Variants in DSE observed in about 807,000 individuals in gnomAD.
DSE encodes the protein dermatan-sulfate epimerase.
In DSE, 36 loss-of-function variants were observed where a neutral mutation model predicts 84.4. The ratio of observed to expected loss-of-function variants is 0.43; its 90% CI spans 0.33 to 0.56. The LOEUF is 0.56. DSE is among the 20% of genes least tolerant of loss of function. The pLI is 0.06. For synonymous variants in DSE, 410 were observed against 430.1 expected (o/e 0.95, Z 0.58); for missense variants, 862 against 1,169.6 (o/e 0.74, Z 3.84).
intron 1 of DSE, among the ~76,000 whole-genome samples, chr6:116,384,030 G>C (rs940958769): frequency 3.3e-5 from 5 of 152,112 alleles, no homozygotes; most frequent in Non-Finnish European, 7.3e-5. Context: ...TAATAGTACA[G>C]AAAGATTGTT....
chr6:116,345,015 G>A (rs145453945), intron 2 of DSE, among the ~76,000 whole-genome samples: 30,069 of 152,006 alleles, frequency 0.2, 3,677 homozygotes, highest in African/African-American at 0.34. Flanking sequence ...AAAATCAAAA[G>A]AGACAAAGAA....
chr6:116,351,214 A>G (rs1256916157), intron 2 of DSE, among the ~76,000 whole-genome samples: 3 of 152,100 alleles, frequency 2.0e-5, no homozygotes, highest in African/African-American at 4.8e-5. Context: ...CTGAATCCCC[A>G]TCTCATGAAT....
chr6:116,412,545 T>A (rs1181880815), intron 2 of DSE: 1 of 152,282 alleles, frequency 6.6e-6, no homozygotes. Context: ...CTCTGATGGG[T>A]GGCTTATTTT....
Position 116,303,395 on chromosome 6 carries a change from C to T in DSE, c.-54+44428C>T, listed in dbSNP as rs191042718. Among the ~76,000 whole-genome samples the T allele has an allele frequency of 4.4e-4, 67 of 152,206 alleles. 1 individual carries two copies. The East Asian group carries it at 0.012, about 27-fold the overall frequency. ...ATTGTAGATATTTAATACCCTTTCC[C>T]CTGGTTAGATTGTAAGCTCAATGAT... On this transcript the variant is annotated intron_variant, in intron 2 of 3. Transcript: ENST00000430252.
At chr6:116,379,214 G>A (rs575738952) in intron 1 of DSE, among the ~76,000 whole-genome samples, 36 of 152,240 alleles carry the variant, frequency 2.4e-4, no homozygotes, top group Admixed American at 2.2e-3. Context: ...TGCACTCTGA[G>A]CTGATAATGG....
At chr6:116,375,945 A>G (rs1451475236) in intron 1 of DSE, among the ~76,000 whole-genome samples, 1 of 152,208 alleles carries the variant, frequency 6.6e-6, no homozygotes, top group Non-Finnish European at 1.5e-5. Flanking sequence ...TTCATTTTCA[A>G]GTCATTAGTG....
chr6:116,363,295 A>G (rs1779002589), intron 2 of DSE, among the ~76,000 whole-genome samples: 1 of 151,784 alleles, frequency 6.6e-6, no homozygotes, highest in Admixed American at 6.6e-5. Flanking sequence ...GTGTGTCTAT[A>G]TGATAGATAC....
chr6:116,399,422 C>G lies in DSE; in HGVS notation c.172C>G (p.Leu58Val). 1 of 1,614,232 alleles carries G rather than the reference C, an allele frequency of 6.2e-7. No individual in the cohort carries two copies. The highest frequency in any genetic ancestry group is 8.5e-7 in the Non-Finnish European group (1 of 1,180,050). The stretch of plus-strand genomic sequence containing the variant: ...CAGGGCAGAAGTGGCGGAGCTGCAG[C>G]TCAGGGCTGCCAGCTCGCACGAGCA... ...FSRAEVAELQ[L>V]RAASSHEHIA... Residue 58 changes from leucine (L) to valine (V), a missense_variant, in exon 2 of 6, where the codon CTC becomes GTC. This residue lies in a region of DSE where 309 missense variants were observed against 516.9 expected (regional missense o/e 0.60). Coordinates refer to ENST00000644252, the MANE Select transcript of DSE (RefSeq NM_013352.4).
intron 2 of DSE, among the ~76,000 whole-genome samples, chr6:116,327,710 A>G (rs570336155): frequency 2.0e-5 from 3 of 152,260 alleles, no homozygotes; most frequent in South Asian, 2.1e-4. Context: ...TTATTTGTTT[A>G]TGCTTTCTGC....
intron 2 of DSE, among the ~76,000 whole-genome samples, chr6:116,302,817 T>C (rs1775117891): frequency 6.6e-6 from 1 of 152,224 alleles, no homozygotes; most frequent in Admixed American, 6.5e-5. Flanking sequence ...TTAATTTTTG[T>C]ATAAGGTGTA....
chr6:116,274,082 G>A (rs1412211308), intron 2 of DSE, among the ~76,000 whole-genome samples: 5 of 151,336 alleles, frequency 3.3e-5, no homozygotes, highest in Admixed American at 1.3e-4. Context: ...CAGCCGCCTC[G>A]GCCTCCCAAA....
intron 5 of DSE, 85 bp from the exon 6 acceptor site, chr6:116,435,502 G>T: frequency 7.3e-7 from 1 of 1,361,644 alleles, no homozygotes; most frequent in Non-Finnish European, 9.9e-7. Context: ...GGTAGCATTT[G>T]TGTGTCGCAT....
intron 1 of DSE, among the ~76,000 whole-genome samples, chr6:116,387,378 A>G (rs994258405): frequency 5.3e-5 from 8 of 152,228 alleles, no homozygotes; most frequent in African/African-American, 1.9e-4. Context: ...TTTCCAAATA[A>G]TTGGTTTGAG....
rs1239220327 is a variant in DSE at position 116,444,789 on chromosome 6, T to C, written c.*7444T>C. 1 of 152,184 alleles carries C rather than the reference T, an allele frequency of 6.6e-6. No homozygotes were observed. Among genetic ancestry groups the C allele is most frequent in the Non-Finnish European group, 1.5e-5 (1 of 68,040 alleles). The allele number at this position is 152,184 out of a possible 1,614,324, so 9.4% of individuals were successfully genotyped here. On this transcript the variant is annotated 3_prime_UTR_variant, in exon 6 of 6. Coordinates refer to ENST00000644252, the MANE Select transcript of DSE (RefSeq NM_013352.4). ...AAGTGAGTCCTCACCAGATACCACA[T>C]CTGTTGTGCTTTGATCTTGGATTTC...
chr6:116,324,798 A>C (rs1179439216), intron 2 of DSE, among the ~76,000 whole-genome samples: 1 of 152,212 alleles, frequency 6.6e-6, no homozygotes, highest in Non-Finnish European at 1.5e-5. Flanking sequence ...TCTGTTCCTT[A>C]TAATGAGTAG....
In DSE at chr6:116,437,545, T is replaced by C; in HGVS notation, c.*200T>C. The C allele has an allele frequency of 1.8e-6, 1 of 555,300 alleles. No individual in the cohort carries two copies. Among genetic ancestry groups the C allele is most frequent in the Non-Finnish European group, 3.1e-6 (1 of 326,182 alleles). 34.4% of individuals were successfully genotyped at this position (555,300 alleles called of 1,614,324 possible). On this transcript the variant is annotated 3_prime_UTR_variant, in exon 6 of 6. Transcript: ENST00000644252. The stretch of plus-strand genomic sequence containing the variant: ...AATTATCAAAGCAATAGAAATAGCT[T>C]GGTGGTCCTATGGTGTTTTTGGAAG...
intron 1 of DSE, among the ~76,000 whole-genome samples, chr6:116,394,297 C>T (rs1303786242): frequency 6.6e-6 from 1 of 152,150 alleles, no homozygotes; most frequent in East Asian, 1.9e-4. Context: ...CCTATCTTTG[C>T]TTTATAAAGA....
At chr6:116,298,669 G>A (rs771333004) in intron 2 of DSE, among the ~76,000 whole-genome samples, 14 of 152,152 alleles carry the variant, frequency 9.2e-5, no homozygotes, top group East Asian at 3.8e-4. Flanking sequence ...AAGTCACTAC[G>A]TGTGTGATAA....
chr6:116,330,685 C>T (rs1312127485), intron 2 of DSE, among the ~76,000 whole-genome samples: 1 of 152,146 alleles, frequency 6.6e-6, no homozygotes, highest in Non-Finnish European at 1.5e-5. Flanking sequence ...TGACTATCTC[C>T]TTATGACTCA....
Sources: allele counts gnomAD v4.1 joint callset (sites outside exome capture counted in the v4.1 genomes callset), GRCh38; gene constraint gnomAD v4.1.1; regional missense constraint gnomAD v4.1.1; transcripts MANE v1.5; gene names NCBI Gene and HGNC (gene_info 2026-07-23, HGNC 2026-07-21).